Variants in DAP observed in about 807,000 individuals in gnomAD.
The protein encoded by DAP is death associated protein.
Under a neutral mutation model 13.8 loss-of-function variants are expected in DAP, and 8 were observed. That is an observed-to-expected ratio of 0.58 (90% CI 0.34 to 1.05). DAP has a LOEUF of 1.05. Among genes scored for constraint, DAP ranks in the 50% least tolerant of loss-of-function variants. The probability of loss-of-function intolerance (pLI) is 0.03; values close to 1 mark genes in which losing one functional copy is unlikely to be tolerated. For missense variants in DAP, 106 were observed against 133.2 expected (o/e 0.80, Z 1.01); for synonymous variants, 47 against 47.5 (o/e 0.99, Z 0.04).
At chr5:10,730,180 T>G (rs1368235961) in intron 2 of DAP, among the ~76,000 whole-genome samples, 2 of 152,236 alleles carry the variant, frequency 1.3e-5, no homozygotes, top group African/African-American at 4.8e-5. Flanking sequence ...GGCTGCCCTG[T>G]GAGAAGAGGG....
At chr5:10,706,691 AATG>A (rs1435873821) in intron 2 of DAP, among the ~76,000 whole-genome samples, 3 of 152,192 alleles carry the variant, frequency 2.0e-5, no homozygotes, top group African/African-American at 7.2e-5. Flanking sequence ...ATGAGACAAA[AATG>A]ATGATCGGAT....
intron 2 of DAP, among the ~76,000 whole-genome samples, chr5:10,704,511 G>A (rs1421740048): frequency 1.3e-5 from 2 of 152,002 alleles, no homozygotes; most frequent in Non-Finnish European, 2.9e-5. Context: ...CAGGTAAGAC[G>A]GTAAAACTGT....
chr5:10,748,210 C>G lies in DAP; in HGVS notation c.117G>C (p.Glu39Asp), dbSNP rs760450361. The G allele has an allele frequency of 2.3e-4, 366 of 1,613,968 alleles. No homozygotes were observed. Among genetic ancestry groups the G allele is most frequent in the Middle Eastern group, 1.8e-3 (11 of 6,084 alleles). ...KHPHTGDTKE[E>D]KDKDDQEWES... is the part of the protein sequence containing the mutation. ...CCCATTCCTGGTCATCCTTGTCTTT[C>G]TCTTCTTTGGTGTCTCCTGTATGTG... The change falls in exon 2 of 4, where the codon GAG becomes GAC. Residue 39 changes from glutamate (E) to aspartate (D), a missense_variant. Physicochemically the swap from Glu to Asp is conservative, Grantham distance 45 (BLOSUM62 2). Transcript: ENST00000230895.
chr5:10,744,902 G>A (rs909309843), intron 2 of DAP, among the ~76,000 whole-genome samples: 3 of 152,158 alleles, frequency 2.0e-5, no homozygotes, highest in Non-Finnish European at 2.9e-5. Context: ...CTTACCCACC[G>A]TGTGCCCTCG....
At chr5:10,730,098 A>T (rs1739399689) in intron 2 of DAP, among the ~76,000 whole-genome samples, 1 of 152,248 alleles carries the variant, frequency 6.6e-6, no homozygotes, top group Admixed American at 6.5e-5. Context: ...TCTTTGCAGC[A>T]TTGCTAAGTC....
At chr5:10,722,545 T>C (rs539899790) in intron 2 of DAP, among the ~76,000 whole-genome samples, 45 of 148,012 alleles carry the variant, frequency 3.0e-4, no homozygotes, top group African/African-American at 1.1e-3. Flanking sequence ...TATATACATA[T>C]ATACATATAC....
intron 2 of DAP, among the ~76,000 whole-genome samples, chr5:10,714,833 T>C (rs1195116541): frequency 6.6e-6 from 1 of 152,012 alleles, no homozygotes; most frequent in African/African-American, 2.4e-5. Context: ...CTTGCTCTCT[T>C]GCTCCTGCTC....
intron 1 of DAP, among the ~76,000 whole-genome samples, chr5:10,757,757 C>A (rs181989689): frequency 2.0e-5 from 3 of 152,286 alleles, no homozygotes; most frequent in African/African-American, 4.8e-5. Context: ...TGCATCCCTG[C>A]GCACAGTACA....
At chr5:10,709,424 A>G (rs1431252210) in intron 2 of DAP, among the ~76,000 whole-genome samples, 5 of 152,190 alleles carry the variant, frequency 3.3e-5, no homozygotes, top group Non-Finnish European at 7.4e-5. Context: ...GTAACGAGGT[A>G]GGTAAGGGAG....
chr5:10,698,623 A>C (rs887900689), intron 2 of DAP, among the ~76,000 whole-genome samples: 5 of 152,160 alleles, frequency 3.3e-5, no homozygotes, highest in African/African-American at 1.2e-4. Context: ...TCTCCTGGGT[A>C]AATTAATATT....
chr5:10,734,693 T>C (rs774479460), intron 2 of DAP, among the ~76,000 whole-genome samples: 3 of 152,126 alleles, frequency 2.0e-5, no homozygotes, highest in African/African-American at 7.2e-5. Context: ...AATACACATA[T>C]CCACAGGTGT....
At chr5:10,731,167 A>T in intron 2 of DAP, among the ~76,000 whole-genome samples, 1 of 43,520 alleles carries the variant, frequency 2.3e-5, no homozygotes, top group South Asian at 9.1e-4. Context: ...AGCCCTAGTG[A>T]GGGGGAATCT....
chr5:10,704,618 G>C (rs1463621955), intron 2 of DAP, among the ~76,000 whole-genome samples: 1 of 152,196 alleles, frequency 6.6e-6, no homozygotes, highest in Non-Finnish European at 1.5e-5. Flanking sequence ...ATTCAATTAA[G>C]TGAAACCCTT....
chr5:10,688,612 T>TA (rs1461635724), intron 2 of DAP, among the ~76,000 whole-genome samples: 4 of 151,998 alleles, frequency 2.6e-5, no homozygotes, highest in Admixed American at 2.0e-4. Context: ...CAAAACAAGT[T>TA]AAAATCACTT....
At chr5:10,722,623 C>T (rs532869160) in intron 2 of DAP, among the ~76,000 whole-genome samples, 1 of 148,138 alleles carries the variant, frequency 6.8e-6, no homozygotes, top group African/African-American at 2.5e-5. Flanking sequence ...CACATATATA[C>T]ACACATATAT....
At chr5:10,682,120 C>T (rs1457184254) in intron 3 of DAP, among the ~76,000 whole-genome samples, 1 of 146,448 alleles carries the variant, frequency 6.8e-6, no homozygotes, top group African/African-American at 2.6e-5. Context: ...TGAGGAAGTC[C>T]CAGGCCAGCA....
intron 2 of DAP, among the ~76,000 whole-genome samples, chr5:10,686,315 A>G (rs56014552): frequency 0.088 from 13,453 of 152,242 alleles, 842 homozygotes; most frequent in African/African-American, 0.17. Context: ...GCCTGGAAGT[A>G]TTCAAGTGAA....
chr5:10,711,298 C>T (rs1483883412), intron 2 of DAP, among the ~76,000 whole-genome samples: 1 of 152,208 alleles, frequency 6.6e-6, no homozygotes, highest in Non-Finnish European at 1.5e-5. Flanking sequence ...GGGGCTTTTA[C>T]CTTCATCAGA....
chr5:10,705,276 T>C (rs2087028026), intron 2 of DAP, among the ~76,000 whole-genome samples: 1 of 152,228 alleles, frequency 6.6e-6, no homozygotes, highest in Admixed American at 6.5e-5. Flanking sequence ...GTTGCAATTG[T>C]GTTCCATATT....
Sources: allele counts gnomAD v4.1 joint callset (sites outside exome capture counted in the v4.1 genomes callset), GRCh38; gene constraint gnomAD v4.1.1; transcripts MANE v1.5; gene names NCBI Gene and HGNC (gene_info 2026-07-23, HGNC 2026-07-21).